CDH8: variants seen among roughly 807,000 people sequenced by gnomAD.
CDH8 encodes the protein cadherin 8, also known as cadherin-8.
Under a neutral mutation model 68.1 loss-of-function variants are expected in CDH8, and 17 were observed. The ratio of observed to expected loss-of-function variants is 0.25; its 90% confidence interval spans 0.17 to 0.37. CDH8 has a LOEUF of 0.37. Among genes scored for constraint, CDH8 ranks in the 10% least tolerant of loss-of-function variants. The pLI is 1.00. For synonymous variants in CDH8, 372 were observed against 365.1 expected, an observed-to-expected ratio of 1.02 and a Z score of -0.21; for missense variants, 763 against 999.3, an observed-to-expected ratio of 0.76 and a Z score of 3.19.
Position 61,650,093 on chromosome 16 carries a change from A to G in CDH8, c.*3515T>C, listed in dbSNP as rs1963287789. 1 of 152,094 alleles carries G rather than the reference A, an allele frequency of 6.6e-6. No individual in the cohort carries two copies. The highest frequency in any genetic ancestry group is 2.4e-5 in the African/African-American group (1 of 41,418). The allele number at this position is 152,094 out of a possible 1,614,324, so 9.4% of individuals were successfully genotyped here. The stretch of plus-strand genomic sequence containing the variant: ...TAAAGTTTACACCCTAGAAGTCATA[A>G]TTCTGTGTGGCAAGGTTAACACTTG... On this transcript the variant is annotated 3_prime_UTR_variant, in exon 12 of 12. Transcript: ENST00000577390.
chr16:61,860,733 G>A (rs184947681), intron 3 of CDH8, among the ~76,000 whole-genome samples: 1 of 152,154 alleles, frequency 6.6e-6, no homozygotes, highest in Non-Finnish European at 1.5e-5. Flanking sequence ...AAAAAGAAAA[G>A]TGAACAAATT....
At chr16:61,762,517 G>T (rs1015226316) in intron 8 of CDH8, among the ~76,000 whole-genome samples, 1 of 152,076 alleles carries the variant, frequency 6.6e-6, no homozygotes. Context: ...GGAAGGAACT[G>T]GTCCAGGTCA....
At chr16:61,828,209 G>C (rs146471165) in intron 4 of CDH8, among the ~76,000 whole-genome samples, 1 of 151,810 alleles carries the variant, frequency 6.6e-6, no homozygotes, top group African/African-American at 2.4e-5. Context: ...GACAGTTTAC[G>C]AATGCCACGG....
At chr16:61,941,403 C>T (rs768512707) in intron 2 of CDH8, among the ~76,000 whole-genome samples, 3 of 152,172 alleles carry the variant, frequency 2.0e-5, no homozygotes, top group Non-Finnish European at 4.4e-5. Context: ...GAAATACTCT[C>T]TTTTTCTTGA....
intron 7 of CDH8, among the ~76,000 whole-genome samples, chr16:61,789,969 T>C (rs759283144): frequency 3.3e-5 from 5 of 152,096 alleles, no homozygotes; most frequent in Non-Finnish European, 7.4e-5. Flanking sequence ...TTGGTGGTGG[T>C]CGTTTGTTTT....
chr16:61,837,046 C>T (rs1407066664), intron 4 of CDH8, among the ~76,000 whole-genome samples: 1 of 151,862 alleles, frequency 6.6e-6, no homozygotes, highest in Non-Finnish European at 1.5e-5. Context: ...TGAAATCCTC[C>T]TACATTCTTC....
Position 61,878,908 on chromosome 16 carries a change from G to C in CDH8, c.548-21670C>G, listed in dbSNP as rs80355745. Among the ~76,000 whole-genome samples the C allele has an allele frequency of 9.9e-3, 1,507 of 152,180 alleles. 13 individuals are homozygous for C. The highest frequency in any genetic ancestry group is 0.017 in the Non-Finnish European group (1,128 of 68,004). ...GACCACATGCTGTCTGCTGCCCCAC[G>C]TGAGTTTCCATTTAACGCACCATGT... On this transcript the variant is annotated intron_variant, in intron 3 of 11. Transcript: ENST00000577390.
intron 8 of CDH8, 22 bp from the exon 9 acceptor site, chr16:61,727,237 A>G (rs1959402140): frequency 1.3e-6 from 2 of 1,593,134 alleles, no homozygotes; most frequent in East Asian, 2.2e-5. Context: ...AAAAAATAAC[A>G]TCAGCATTGA....
At chr16:61,680,429 T>C (rs187728953) in intron 10 of CDH8, among the ~76,000 whole-genome samples, 317 of 152,016 alleles carry the variant, frequency 2.1e-3, no homozygotes, top group Non-Finnish European at 3.3e-3. Flanking sequence ...TCTCTTTCCC[T>C]CTCTATTTCC....
intron 2 of CDH8, among the ~76,000 whole-genome samples, chr16:61,924,977 T>A (rs952491377): frequency 1.3e-5 from 2 of 152,142 alleles, no homozygotes; most frequent in Non-Finnish European, 2.9e-5. Context: ...AGGTAGAGGG[T>A]GTTACTCTGT....
chr16:61,791,180 C>T (rs954577140), intron 7 of CDH8, among the ~76,000 whole-genome samples: 3 of 151,916 alleles, frequency 2.0e-5, no homozygotes, highest in African/African-American at 7.3e-5. Context: ...GTACACTAGG[C>T]ATTTACAAAT....
intron 2 of CDH8, among the ~76,000 whole-genome samples, chr16:62,015,285 A>G (rs374191457): frequency 1.5e-3 from 229 of 152,298 alleles, no homozygotes; most frequent in African/African-American, 5.3e-3. Flanking sequence ...ATTCTCCAAG[A>G]TATCTCAATA....
At position 61,652,720 on chromosome 16, in the gene CDH8, A is replaced by T. The variant is rs1963348954; in HGVS notation, c.*888T>A. The T allele has an allele frequency of 3.9e-6, 5 of 1,287,450 alleles. No homozygotes were observed. In the East Asian group the frequency reaches 1.5e-4, roughly 38 times the overall value. The allele number at this position is 1,287,450 out of a possible 1,614,324, so 79.8% of individuals were successfully genotyped here. ...TATCCCCTTAATCTATAGATTACCG[A>T]CCTTAATAAATAAAAGCATTAATGG... On this transcript the variant is annotated 3_prime_UTR_variant, in exon 12 of 12. Transcript: ENST00000577390.
chr16:61,984,459 T>TTC (rs907268983), intron 2 of CDH8, among the ~76,000 whole-genome samples: 6 of 151,490 alleles, frequency 4.0e-5, no homozygotes, highest in African/African-American at 1.5e-4. Context: ...CTTTTACGTT[T>TTC]TTTTTTTTTT....
At chr16:62,034,930 G>T (rs1902416023) in intron 1 of CDH8, among the ~76,000 whole-genome samples, 1 of 152,182 alleles carries the variant, frequency 6.6e-6, no homozygotes, top group African/African-American at 2.4e-5. Flanking sequence ...TGCCATCTCC[G>T]CTGGTGGAGG....
At chr16:62,021,754 G>A (rs1283346997) in intron 1 of CDH8, among the ~76,000 whole-genome samples, 152 bp from the exon 2 acceptor site, 2 of 152,174 alleles carry the variant, frequency 1.3e-5, no homozygotes, top group Non-Finnish European at 2.9e-5. Context: ...AGAATAAGTA[G>A]CCTAGTAAGT....
chr16:61,783,542 A>G (rs1055773156), intron 8 of CDH8, among the ~76,000 whole-genome samples: 93 of 151,642 alleles, frequency 6.1e-4, no homozygotes, highest in Admixed American at 1.7e-3. Flanking sequence ...AACTTCCGCA[A>G]TCTAGCAAGG....
At chr16:61,773,566 T>C (rs530476491) in intron 8 of CDH8, among the ~76,000 whole-genome samples, 1 of 152,118 alleles carries the variant, frequency 6.6e-6, no homozygotes, top group South Asian at 2.1e-4. Context: ...AGTTTTGGCT[T>C]TGTGGGCCTG....
chr16:61,746,535 G>A (rs1490821565), intron 8 of CDH8, among the ~76,000 whole-genome samples: 2 of 142,612 alleles, frequency 1.4e-5, no homozygotes, highest in Non-Finnish European at 3.0e-5. Flanking sequence ...TAGACGTAAA[G>A]AAAACACTTG....
Sources: gnomAD v4.1 joint callset for allele counts (sites outside exome capture counted in the v4.1 genomes callset) on GRCh38, gnomAD v4.1.1 for gene constraint, MANE v1.5 for transcripts, NCBI Gene and HGNC (gene_info 2026-07-23, HGNC 2026-07-21) for gene names.